Variants in NFIX observed in about 807,000 individuals in gnomAD.
The protein encoded by NFIX is nuclear factor 1 X-type.
A neutral mutation model predicts 53.3 loss-of-function variants in NFIX; 2 were observed. That is an observed-to-expected ratio of 0.04 (90% CI 0.02 to 0.12). The LOEUF (loss-of-function observed/expected upper bound fraction) is 0.12. Ranked by LOEUF, NFIX falls within the 10% of genes least tolerant of loss-of-function variation. The pLI, the probability that NFIX is intolerant of heterozygous loss-of-function variation, is 1.00. For missense variants in NFIX, 310 were observed against 674.5 expected, an observed-to-expected ratio of 0.46 and a Z score of 5.99; for synonymous variants, 244 against 289.0, an observed-to-expected ratio of 0.84 and a Z score of 1.58.
chr19:13,005,896 C>G lies in NFIX; in HGVS notation c.27+10032C>G, dbSNP rs948341017. Among the ~76,000 whole-genome samples, 2 of 152,208 alleles carry G rather than the reference C, an allele frequency of 1.3e-5. No homozygotes were observed. The highest frequency in any genetic ancestry group is 2.9e-5 in the Non-Finnish European group (2 of 68,042). ...CCCCTGCTGGCCAGGCTTGCCCTCA[C>G]CCCCGCAGGTCCAAACATCCTCTCC... is the stretch of plus-strand genomic sequence containing the variant. On this transcript the variant is annotated intron_variant, in intron 1 of 10. Transcript: ENST00000592199. The surrounding 1 kb of genome is among the most constrained non-coding windows in gnomAD (Gnocchi z 4.7).
rs754954726 is a variant in NFIX at position 13,068,902 on chromosome 19, C to T, written c.560-4145C>T. On this transcript the variant is annotated intron_variant, in intron 2 of 10. Transcript: ENST00000592199. The surrounding 1 kb of genome is among the most constrained non-coding windows in gnomAD (Gnocchi z 4.2). The stretch of plus-strand genomic sequence containing the variant: ...CCAGCCTGACACCCCCAAACAGCAT[C>T]GAGAATGAGCTGTGGGCTCTGAGAT... Among the ~76,000 whole-genome samples the T allele has an allele frequency of 6.6e-6, 1 of 152,218 alleles. No individual in the cohort carries two copies. The highest frequency in any genetic ancestry group is 6.5e-5 in the Admixed American group (1 of 15,286).
At position 12,995,877 on chromosome 19, in the gene NFIX, G is replaced by A; in HGVS notation, c.27+13G>A. Reference sequence around the variant, plus strand: ...CTGCCTCACCCAGGTACCGGCCGCCGCCCCCGCGCGACCGGGGGAGGGGAG... The same window carrying A: ...CTGCCTCACCCAGGTACCGGCCGCCACCCCCGCGCGACCGGGGGAGGGGAG... On this transcript the variant is annotated intron_variant, in intron 1 of 10. Coordinates refer to ENST00000592199, the MANE Select transcript of NFIX (RefSeq NM_001365902.3). 1 of 975,132 alleles carries A rather than the reference G, an allele frequency of 1.0e-6. No homozygotes were observed. Among genetic ancestry groups the A allele is most frequent in the South Asian group, 4.6e-5 (1 of 21,734 alleles). The allele number at this position is 975,132 out of a possible 1,614,324, so 60.4% of individuals were successfully genotyped here.
chr19:12,998,046 C>T lies in NFIX; in HGVS notation c.27+2182C>T, dbSNP rs931775999. ...CTGGCCTGCCCCTCCCTAACAATCA[C>T]ATCTCTGTTTTTACAAATCTTTCTG... On this transcript the variant is annotated intron_variant, in intron 1 of 10. Transcript: ENST00000592199. This position sits in a 1 kb window ranked among gnomAD's most constrained non-coding sequence, Gnocchi z 4.4. Among the ~76,000 whole-genome samples the T allele has an allele frequency of 6.6e-6, 1 of 152,234 alleles. No individual in the cohort carries two copies. The highest frequency in any genetic ancestry group is 2.4e-5 in the African/African-American group (1 of 41,468).
intron 6 of NFIX, among the ~76,000 whole-genome samples, chr19:13,077,299 G>A (rs2017167638): frequency 6.6e-6 from 1 of 152,114 alleles, no homozygotes; most frequent in African/African-American, 2.4e-5. Context: ...TGCTCCTTCC[G>A]GCAGTCCTGC....
At chr19:13,056,545 C>T (rs1568299559) in intron 2 of NFIX, among the ~76,000 whole-genome samples, 1 of 152,102 alleles carries the variant, frequency 6.6e-6, no homozygotes, top group Non-Finnish European at 1.5e-5. Flanking sequence ...CGTGGAGTCC[C>T]GCCTTCTAGG....
chr19:13,001,362 C>T lies in NFIX; in HGVS notation c.27+5498C>T, dbSNP rs1234152171. ...GCTACCTGCATGTGACTCCACGGAT[C>T]ATCGCACGCCCTGTCTCTTGTGTAT... On this transcript the variant is annotated intron_variant, in intron 1 of 10. Coordinates refer to ENST00000592199, the MANE Select transcript of NFIX (RefSeq NM_001365902.3). The surrounding 1 kb of genome is among the most constrained non-coding windows in gnomAD (Gnocchi z 6.5). 1.3e-5 allele frequency among the ~76,000 whole-genome samples: 2 copies of T among 152,154 alleles called. No individual in the cohort carries two copies. The highest frequency in any genetic ancestry group is 6.5e-5 in the Admixed American group (1 of 15,268).
chr19:13,054,618 G>A (rs2015534402), intron 2 of NFIX, among the ~76,000 whole-genome samples: 1 of 152,118 alleles, frequency 6.6e-6, no homozygotes, highest in Non-Finnish European at 1.5e-5. Context: ...TGGGTCCGTA[G>A]CAAGTGGCCT....
chr19:13,091,247 G>A (rs1052389604), intron 10 of NFIX, among the ~76,000 whole-genome samples: 18 of 152,012 alleles, frequency 1.2e-4, no homozygotes, highest in African/African-American at 3.6e-4. Flanking sequence ...TCCTCAGCCC[G>A]GGGAAATCCA....
At chr19:13,057,809 C>CCT (rs5827177) in intron 2 of NFIX, among the ~76,000 whole-genome samples, 73,734 of 151,740 alleles carry the variant, frequency 0.49, 20,822 homozygotes, top group African/African-American at 0.77. Flanking sequence ...GGGAAGGCAG[C>CCT]CCCTCCCTTC....
chr19:13,002,036 G>A lies in NFIX; in HGVS notation c.27+6172G>A, dbSNP rs2011734097. Reference sequence around the variant, plus strand: ...TTCTGCCTGTGTCCGTTCTAGCCTGGCCAGCTGGGTGTCCGGCTGTCTCCG... The same window carrying A: ...TTCTGCCTGTGTCCGTTCTAGCCTGACCAGCTGGGTGTCCGGCTGTCTCCG... On this transcript the variant is annotated intron_variant, in intron 1 of 10. Coordinates refer to ENST00000592199, the MANE Select transcript of NFIX (RefSeq NM_001365902.3). This position sits in a 1 kb window ranked among gnomAD's most constrained non-coding sequence, Gnocchi z 6.1. Among the ~76,000 whole-genome samples, 1 of 152,190 alleles carries A rather than the reference G, an allele frequency of 6.6e-6. No homozygotes were observed. The highest frequency in any genetic ancestry group is 2.4e-5 in the African/African-American group (1 of 41,448).
intron 10 of NFIX, among the ~76,000 whole-genome samples, chr19:13,092,128 G>C (rs1046610904): frequency 3.3e-5 from 5 of 152,290 alleles, no homozygotes; most frequent in South Asian, 2.1e-4. Context: ...GCGGGCGCAG[G>C]GGGTACAGCC....
chr19:13,024,552 C>A, intron 1 of NFIX: 1 of 1,530,594 alleles, frequency 6.5e-7, no homozygotes, highest in Non-Finnish European at 8.8e-7. Flanking sequence ...CCCGCACGCC[C>A]CCGCGTGTGC....
At position 13,078,533 on chromosome 19, in the gene NFIX, C is replaced by G; in HGVS notation, c.956-80C>G. ...GGGGAGGGGCTGAGGAGAGAAGGAG[C>G]GAGCTGCTGGCTTCCCGCCTTCCCC... On this transcript the variant is annotated intron_variant, in intron 6 of 10. Transcript: ENST00000592199. This position sits in a 1 kb window ranked among gnomAD's most constrained non-coding sequence, Gnocchi z 4.7. 16 of 1,491,066 alleles carry G rather than the reference C, an allele frequency of 1.1e-5. No individual in the cohort carries two copies. The highest frequency in any genetic ancestry group is 1.3e-5 in the Non-Finnish European group (14 of 1,101,902). 92.4% of individuals were successfully genotyped at this position (1,491,066 alleles called of 1,614,324 possible). A position where few individuals can be genotyped will look rare whatever the true frequency, so the allele number is the denominator to read the frequency against.
rs113861190 is a variant in NFIX, at chr19:13,024,113, CAAAAAAA to C, written c.28-897_28-891del. 7 of 412,528 alleles carry C rather than the reference CAAAAAAA, an allele frequency of 1.7e-5. No homozygotes were observed. In the Admixed American group the frequency reaches 2.4e-4, roughly 14 times the overall value. The allele number at this position is 412,528 out of a possible 1,614,324, so 25.6% of individuals were successfully genotyped here. On this transcript the variant is annotated intron_variant, in intron 1 of 10. Coordinates refer to ENST00000592199, the MANE Select transcript of NFIX (RefSeq NM_001365902.3). ...TTTAAACTTCAAACAAGCAAACAAC[CAAAAAAA>C]AAAAAAAAAACCAAACAAAACCGAG...
chr19:13,029,564 A>T (rs559625512), intron 2 of NFIX, among the ~76,000 whole-genome samples: 1 of 152,178 alleles, frequency 6.6e-6, no homozygotes, highest in African/African-American at 2.4e-5. Flanking sequence ...TGAAGGAAAC[A>T]GGTTGTTTGT....
In NFIX at chr19:12,995,695, G is replaced by A. The variant is rs1318878959; in HGVS notation, c.-143G>A. 2 of 159,580 alleles carry A rather than the reference G, an allele frequency of 1.3e-5. No individual in the cohort carries two copies. Among genetic ancestry groups the A allele is most frequent in the Non-Finnish European group, 2.5e-5 (2 of 79,278 alleles). 9.9% of individuals were successfully genotyped at this position (159,580 alleles called of 1,614,324 possible). On this transcript the variant is annotated 5_prime_UTR_variant, in exon 1 of 11. Coordinates refer to ENST00000592199, the MANE Select transcript of NFIX (RefSeq NM_001365902.3). The stretch of plus-strand genomic sequence containing the variant: ...GGCGAGCGCGGAGCGGCGCCGGGCC[G>A]AGCGCGGGGCCGCGGGCCGGGCGGG...
rs2018519007 is a variant in NFIX at position 13,097,247 on chromosome 19, T to C, written c.*2598T>C. ...GAGGATGATCTGGGGTTTTTATTTG[T>C]TTCGTCGTTCGTTCTGTTTCGGTGG... is the stretch of plus-strand genomic sequence containing the variant. On this transcript the variant is annotated 3_prime_UTR_variant, in exon 11 of 11. Coordinates refer to ENST00000592199, the MANE Select transcript of NFIX (RefSeq NM_001365902.3). 1 of 151,262 alleles carries C rather than the reference T, an allele frequency of 6.6e-6. No homozygotes were observed. Among genetic ancestry groups the C allele is most frequent in the Non-Finnish European group, 1.5e-5 (1 of 67,852 alleles). 9.4% of individuals were successfully genotyped at this position (151,262 alleles called of 1,614,324 possible). A position where few individuals can be genotyped will look rare whatever the true frequency, so the allele number is the denominator to read the frequency against.
intron 1 of NFIX, among the ~76,000 whole-genome samples, chr19:13,017,640 C>G (rs919445611): frequency 2.0e-5 from 3 of 152,146 alleles, no homozygotes; most frequent in African/African-American, 7.2e-5. Flanking sequence ...TGTCACCTTG[C>G]CCTGACCCCT....
rs984371782 is a variant in NFIX, at chr19:13,074,160, G to A, written c.818+134G>A. Reference sequence around the variant, plus strand: ...GTCACCTCTCTCATTGAGGGCACTGGCTCTAACACTTTAGAGTCCACCATG... The same window carrying A: ...GTCACCTCTCTCATTGAGGGCACTGACTCTAACACTTTAGAGTCCACCATG... On this transcript the variant is annotated intron_variant, in intron 5 of 10. Transcript: ENST00000592199. The A allele has an allele frequency of 2.0e-5, 23 of 1,162,964 alleles. No homozygotes were observed. The Admixed American group carries it at 3.5e-4, about 18-fold the overall frequency. 72.0% of individuals were successfully genotyped at this position (1,162,964 alleles called of 1,614,324 possible). A position where few individuals can be genotyped will look rare whatever the true frequency, so the allele number is the denominator to read the frequency against.
Sources: gnomAD v4.1 joint callset for allele counts (sites outside exome capture counted in the v4.1 genomes callset) on GRCh38, gnomAD v4.1.1 for gene constraint, Gnocchi (gnomAD v3.1) non-coding constraint, MANE v1.5 for transcripts, NCBI Gene and HGNC (gene_info 2026-07-23, HGNC 2026-07-21) for gene names.